The following COL23A1 variants were observed in gnomAD, a reference collection of about 807,000 sequenced individuals.
The protein encoded by COL23A1 is collagen type XXIII alpha 1 chain.
A neutral mutation model predicts 99.3 loss-of-function variants in COL23A1; 97 were observed. The ratio of observed to expected loss-of-function variants is 0.98; its 90% confidence interval spans 0.83 to 1.16. The LOEUF is 1.16. Among genes scored for constraint, COL23A1 ranks in the 50% most tolerant of loss-of-function variants. The probability of loss-of-function intolerance (pLI) is 0.00; values close to 1 mark genes in which losing one functional copy is unlikely to be tolerated. For missense variants in COL23A1, 762 were observed against 757.4 expected (o/e 1.01, Z -0.07); for synonymous variants, 320 against 308.2 (o/e 1.04, Z -0.40).
chr5:178,426,593 G>A (rs998157253), intron 2 of COL23A1, among the ~76,000 whole-genome samples: 1 of 152,134 alleles, frequency 6.6e-6, no homozygotes, highest in African/African-American at 2.4e-5. Flanking sequence ...GGTGGATGCC[G>A]CACACCACCC....
At position 178,411,641 on chromosome 5, in the gene COL23A1, G is replaced by A. The variant is rs536042685; in HGVS notation, c.362-104722C>T. Among the ~76,000 whole-genome samples, 3 of 152,320 alleles carry A rather than the reference G, an allele frequency of 2.0e-5. No homozygotes were observed. In the South Asian group the frequency reaches 6.2e-4, roughly 32 times the overall value. On this transcript the variant is annotated intron_variant, in intron 2 of 28. Coordinates refer to ENST00000390654, the MANE Select transcript of COL23A1 (RefSeq NM_173465.4). ...AGGAGCTGGGAGGAGGGGGAAATGG[G>A]GGATGAATGACTGCTCAATGGGTAT...
At position 178,237,845 on chromosome 5, in the gene COL23A1, G is replaced by C. The variant is rs747978203; in HGVS notation, c.*853C>G. On this transcript the variant is annotated 3_prime_UTR_variant, in exon 29 of 29. Transcript: ENST00000390654. ...ACCTAGAGAGCCATTTTTGGCCAGA[G>C]TTCTGGGTGGGAGACTTGGGGCCAG... 6.6e-6 allele frequency: 1 copy of C among 152,388 alleles called. No homozygotes were observed. Among genetic ancestry groups the C allele is most frequent in the Non-Finnish European group, 1.5e-5 (1 of 68,136 alleles). 9.4% of individuals were successfully genotyped at this position (152,388 alleles called of 1,614,324 possible).
chr5:178,239,264 A>G, intron 27 of COL23A1, 85 bp from the exon 28 acceptor site: 1 of 1,498,264 alleles, frequency 6.7e-7, no homozygotes, highest in Non-Finnish European at 9.3e-7. Context: ...GTCTGTAGGG[A>G]GGTGCAGGCC....
At chr5:178,382,026 T>A (rs1763407782) in intron 2 of COL23A1, among the ~76,000 whole-genome samples, 1 of 151,584 alleles carries the variant, frequency 6.6e-6, no homozygotes, top group Non-Finnish European at 1.5e-5. Flanking sequence ...CCCTCGAGTC[T>A]CCATGTGAGA....
At chr5:178,400,926 C>T (rs917450738) in intron 2 of COL23A1, among the ~76,000 whole-genome samples, 36 of 152,384 alleles carry the variant, frequency 2.4e-4, no homozygotes, top group African/African-American at 7.7e-4. Context: ...GCATGAGCCA[C>T]CGTGCCCGGC....
chr5:178,443,158 A>C (rs1337286883), intron 2 of COL23A1: 1 of 152,236 alleles, frequency 6.6e-6, no homozygotes, highest in Non-Finnish European at 1.5e-5. Context: ...GTTTCCCTGA[A>C]ACCCATTAAA....
intron 2 of COL23A1, among the ~76,000 whole-genome samples, chr5:178,402,385 G>A (rs1457457648): frequency 6.6e-6 from 1 of 152,138 alleles, no homozygotes; most frequent in Non-Finnish European, 1.5e-5. Flanking sequence ...CACGAAGACA[G>A]AGAGTAGACT....
At chr5:178,576,030 T>A (rs1581668004) in intron 1 of COL23A1, among the ~76,000 whole-genome samples, 1 of 152,176 alleles carries the variant, frequency 6.6e-6, no homozygotes, top group Admixed American at 6.5e-5. Context: ...AGGGGCTCGG[T>A]CACGAAGCCG....
intron 2 of COL23A1, among the ~76,000 whole-genome samples, chr5:178,389,948 C>G (rs1307230028): frequency 1.3e-5 from 2 of 152,216 alleles, no homozygotes; most frequent in African/African-American, 2.4e-5. Context: ...CCACTAATCT[C>G]ACATGCTTAC....
chr5:178,495,182 G>A (rs1020157449), intron 2 of COL23A1, among the ~76,000 whole-genome samples: 2 of 152,210 alleles, frequency 1.3e-5, no homozygotes, highest in Admixed American at 6.5e-5. Context: ...CTGCACTGCA[G>A]GCTCCCTGCA....
intron 2 of COL23A1, among the ~76,000 whole-genome samples, chr5:178,383,229 G>C (rs1229245311): frequency 6.6e-6 from 1 of 152,172 alleles, no homozygotes; most frequent in Admixed American, 6.5e-5. Context: ...CTACTGGTCT[G>C]GGAACTGCAC....
chr5:178,295,931 G>C (rs80293348), intron 3 of COL23A1, among the ~76,000 whole-genome samples: 20,998 of 152,322 alleles, frequency 0.14, 1,936 homozygotes, highest in East Asian at 0.45. Flanking sequence ...GTGGGTGCAA[G>C]GAAGTGGTCA....
chr5:178,440,005 G>A (rs1766774136), intron 2 of COL23A1: 1 of 152,256 alleles, frequency 6.6e-6, no homozygotes, highest in South Asian at 2.1e-4. Flanking sequence ...GGTTGCCTGG[G>A]GCTGGGGGAA....
chr5:178,263,256 AGGGCCCCGGGCCCCAGGAGGTCCAGG>A lies in COL23A1; in HGVS notation c.565_590del (p.Pro189SerfsTer39). 3 of 1,613,412 alleles carry A rather than the reference AGGGCCCCGGGCCCCAGGAGGTCCAGG, an allele frequency of 1.9e-6. No homozygotes were observed. The highest frequency in any genetic ancestry group is 1.7e-6 in the Non-Finnish European group (2 of 1,179,790). On this transcript the variant is annotated frameshift_variant, in exon 9 of 29. Transcript: ENST00000390654. LOFTEE classifies it high-confidence loss of function. Reference sequence around the variant, plus strand: ...GGCCATCTTTCCCAGTGTCGCCAGGAGGGCCCCGGGCCCCAGGAGGTCCAGGGGGCCCCGGAGGCCCAGCAGCTCCA... The same window carrying A: ...GGCCATCTTTCCCAGTGTCGCCAGGAGGGCCCCGGAGGCCCAGCAGCTCCA...
intron 2 of COL23A1, among the ~76,000 whole-genome samples, chr5:178,377,393 A>C (rs1025128231): frequency 1.3e-5 from 2 of 152,196 alleles, no homozygotes; most frequent in Non-Finnish European, 2.9e-5. Context: ...CCTCATCTCC[A>C]GGGGCCGGGG....
At chr5:178,511,483 G>C (rs1759203060) in intron 2 of COL23A1, among the ~76,000 whole-genome samples, 1 of 152,212 alleles carries the variant, frequency 6.6e-6, no homozygotes, top group Non-Finnish European at 1.5e-5. Flanking sequence ...AGAATGCAAT[G>C]GGATGCATGC....
Position 178,440,483 on chromosome 5 carries a change from T to C in COL23A1, c.361+120199A>G, listed in dbSNP as rs1766803222. ...AATCTCTCTCATTAGAGCAGTGCTT[T>C]AAAAACTCACACTAATGGGTTGTGA... On this transcript the variant is annotated intron_variant, in intron 2 of 28. Transcript: ENST00000390654. Among the ~76,000 whole-genome samples, 6 of 152,242 alleles carry C rather than the reference T, an allele frequency of 3.9e-5. 1 individual carries two copies. The South Asian group carries it at 1.2e-3, about 31-fold the overall frequency.
Position 178,238,672 on chromosome 5 carries a change from G to A in COL23A1, c.*26C>T. 6.2e-7 allele frequency: 1 copy of A among 1,611,992 alleles called. No individual in the cohort carries two copies. The highest frequency in any genetic ancestry group is 8.5e-7 in the Non-Finnish European group (1 of 1,179,762). On this transcript the variant is annotated 3_prime_UTR_variant, in exon 29 of 29. Transcript: ENST00000390654. ...AAATTAAAAATGTCCACACGGATCT[G>A]TACAGGTGTGAGCTGGGCCTGTGGG...
intron 25 of COL23A1, among the ~76,000 whole-genome samples, chr5:178,244,729 G>A (rs1256482087): frequency 1.3e-5 from 2 of 152,212 alleles, no homozygotes; most frequent in African/African-American, 2.4e-5. Context: ...AGATTTTTCA[G>A]TTATGAGTAA....
Sources: gnomAD v4.1 joint callset for allele counts (sites outside exome capture counted in the v4.1 genomes callset) on GRCh38, gnomAD v4.1.1 for gene constraint, MANE v1.5 for transcripts, NCBI Gene and HGNC (gene_info 2026-07-23, HGNC 2026-07-21) for gene names.